Variants in CLDN16 observed in about 807,000 individuals in gnomAD.
CLDN16 encodes the protein claudin-16.
In CLDN16, 13 loss-of-function variants were observed where a neutral mutation model predicts 24.6. That is an observed-to-expected ratio of 0.53 (90% CI 0.34 to 0.84). The LOEUF (loss-of-function observed/expected upper bound fraction) is 0.84, where lower values mean the gene tolerates loss of function less well. Ranked by LOEUF, CLDN16 falls within the 40% of genes least tolerant of loss-of-function variation. The pLI is 0.01. For missense variants in CLDN16, 298 were observed against 292.7 expected (o/e 1.02, Z -0.13); for synonymous variants, 116 against 106.7 (o/e 1.09, Z -0.54).
At chr3:190,380,536 T>C (rs1718348883) in intron 3 of CLDN16, among the ~76,000 whole-genome samples, 1 of 152,040 alleles carries the variant, frequency 6.6e-6, no homozygotes, top group Non-Finnish European at 1.5e-5. Flanking sequence ...GAAGTATTCA[T>C]GGGTTAAGAA....
chr3:190,361,806 C>A (rs1717893605), intron 1 of CLDN16, among the ~76,000 whole-genome samples: 2 of 151,868 alleles, frequency 1.3e-5, no homozygotes, highest in African/African-American at 2.4e-5. Context: ...GGAATTCCAG[C>A]AGCTGTGCCA....
chr3:190,322,409 T>C (rs1440938886), upstream of CLDN16: 2 of 604,836 alleles, frequency 3.3e-6, no homozygotes, highest in South Asian at 3.9e-5. Flanking sequence ...GTCTGGATAC[T>C]AGAAGCTGCG....
intron 1 of CLDN16, among the ~76,000 whole-genome samples, chr3:190,326,755 C>T (rs752393181): frequency 7.0e-4 from 107 of 152,296 alleles, no homozygotes; most frequent in Non-Finnish European, 1.3e-3. Context: ...GCAGGTCCAT[C>T]TCTTCAGAGA....
At chr3:190,347,887 A>T (rs1489597792) in intron 1 of CLDN16, among the ~76,000 whole-genome samples, 1 of 152,054 alleles carries the variant, frequency 6.6e-6, no homozygotes, top group East Asian at 1.9e-4. Context: ...AGGAACAGAA[A>T]AAAAGGTCTG....
chr3:190,308,459 T>G, the CLDN16 span: 7 of 1,612,684 alleles, frequency 4.3e-6, no homozygotes, highest in Non-Finnish European at 5.9e-6. Flanking sequence ...AAAACCCATG[T>G]GCTTGTTAAT....
At chr3:190,343,128 C>A (rs924164771) in intron 1 of CLDN16, among the ~76,000 whole-genome samples, 3 of 141,244 alleles carry the variant, frequency 2.1e-5, no homozygotes, top group African/African-American at 7.4e-5. Context: ...AAACTTATAA[C>A]CCACTTATAA....
upstream of CLDN16, among the ~76,000 whole-genome samples, chr3:190,319,273 T>C (rs1282480165): frequency 6.6e-6 from 1 of 152,186 alleles, no homozygotes; most frequent in Non-Finnish European, 1.5e-5. Context: ...TCTGGCACTT[T>C]TTGTATATTC....
chr3:190,349,959 C>G (rs1717635311), intron 1 of CLDN16, among the ~76,000 whole-genome samples: 1 of 152,080 alleles, frequency 6.6e-6, no homozygotes, highest in Admixed American at 6.6e-5. Flanking sequence ...AAGGATTGGT[C>G]TTAAAACCAT....
chr3:190,333,528 TATC>T (rs1717226987), intron 1 of CLDN16, among the ~76,000 whole-genome samples: 1 of 141,428 alleles, frequency 7.1e-6, no homozygotes, highest in African/African-American at 2.6e-5. Flanking sequence ...ATTATCAGTC[TATC>T]ATCTATCTAT....
chr3:190,351,210 A>C (rs1717665777), intron 1 of CLDN16, among the ~76,000 whole-genome samples: 1 of 152,098 alleles, frequency 6.6e-6, no homozygotes, highest in Admixed American at 6.6e-5. Flanking sequence ...CACCAGAAGC[A>C]CAGGCTGTCA....
At chr3:190,397,134 T>C (rs921656083) in intron 1 of CLDN16, among the ~76,000 whole-genome samples, 1 of 152,126 alleles carries the variant, frequency 6.6e-6, no homozygotes, top group Non-Finnish European at 1.5e-5. Context: ...CTCTACACAT[T>C]TTTGGCAACT....
At chr3:190,363,739 T>C (rs1422955208) in intron 1 of CLDN16, among the ~76,000 whole-genome samples, 1 of 151,446 alleles carries the variant, frequency 6.6e-6, no homozygotes, top group Non-Finnish European at 1.5e-5. Flanking sequence ...TAGTGTCTTT[T>C]ACACAGTGGG....
At chr3:190,329,520 T>C (rs1470021241) in intron 1 of CLDN16, among the ~76,000 whole-genome samples, 4 of 152,296 alleles carry the variant, frequency 2.6e-5, no homozygotes, top group South Asian at 4.1e-4. Context: ...TATGGCTCTT[T>C]CCTGAGGGAT....
upstream of CLDN16, among the ~76,000 whole-genome samples, chr3:190,321,358 A>G (rs746286): frequency 0.29 from 44,330 of 151,964 alleles, 6,738 homozygotes; most frequent in East Asian, 0.57. Context: ...ACTTCGGGGG[A>G]ATCTCAAGCA....
At chr3:190,406,446 A>G (rs1452453856) in intron 3 of CLDN16, among the ~76,000 whole-genome samples, 4 of 152,220 alleles carry the variant, frequency 2.6e-5, no homozygotes, top group African/African-American at 9.6e-5. Flanking sequence ...AGCTATCATC[A>G]GTAAATAACC....
the CLDN16 span, among the ~76,000 whole-genome samples, chr3:190,312,571 T>C: frequency 6.6e-6 from 1 of 152,214 alleles, no homozygotes; most frequent in African/African-American, 2.4e-5. Flanking sequence ...ATTATCTGAA[T>C]TACATGAACT....
chr3:190,306,260 G>A, the CLDN16 span: 2 of 152,296 alleles, frequency 1.3e-5, no homozygotes, highest in Admixed American at 1.3e-4. Flanking sequence ...TTTAGCCACA[G>A]AAAGCATCGG....
intron 1 of CLDN16, among the ~76,000 whole-genome samples, chr3:190,357,439 T>C (rs918301524): frequency 6.6e-6 from 1 of 151,930 alleles, no homozygotes; most frequent in South Asian, 2.1e-4. Flanking sequence ...AACAACTCTT[T>C]AACTCTTCTT....
intron 1 of CLDN16, among the ~76,000 whole-genome samples, chr3:190,359,957 C>T (rs879480932): frequency 6.6e-6 from 1 of 151,976 alleles, no homozygotes; most frequent in Admixed American, 6.6e-5. Context: ...GAATGCTTCT[C>T]TTGGCCAAGA....
Sources: gnomAD v4.1 joint callset for allele counts (sites outside exome capture counted in the v4.1 genomes callset) on GRCh38, gnomAD v4.1.1 for gene constraint, MANE v1.5 for transcripts, NCBI Gene and HGNC (gene_info 2026-07-23, HGNC 2026-07-21) for gene names.